Variants in IL1RAPL2 observed in about 807,000 individuals in gnomAD.
The protein encoded by IL1RAPL2 is X-linked interleukin-1 receptor accessory protein-like 2.
A neutral mutation model predicts 44.1 loss-of-function variants in IL1RAPL2; 3 were observed. The ratio of observed to expected loss-of-function variants is 0.07; its 90% CI spans 0.03 to 0.18. The LOEUF is 0.18. Ranked by LOEUF, IL1RAPL2 falls within the 10% of genes least tolerant of loss-of-function variation. The pLI, the probability that IL1RAPL2 is intolerant of heterozygous loss-of-function variation, is 1.00. For missense variants in IL1RAPL2, 391 were observed against 496.4 expected, an observed-to-expected ratio of 0.79 and a Z score of 2.02; for synonymous variants, 181 against 178.8, an observed-to-expected ratio of 1.01 and a Z score of -0.10.
At chrX:105,377,317 G>T (rs1349441448) in intron 5 of IL1RAPL2, among the ~76,000 whole-genome samples, 1 of 110,140 alleles carries the variant, frequency 9.1e-6, no homozygotes, top group Non-Finnish European at 1.9e-5. Flanking sequence ...ATTTTTGTCA[G>T]ACCCTTCCCC....
chrX:104,980,156 T>C (rs2030410833), intron 2 of IL1RAPL2, among the ~76,000 whole-genome samples: 1 of 111,296 alleles, frequency 9.0e-6, no homozygotes, highest in Non-Finnish European at 1.9e-5. Flanking sequence ...AAAAATAAAG[T>C]AGATAGATGC....
chrX:105,391,959 C>A (rs747213122), intron 5 of IL1RAPL2, among the ~76,000 whole-genome samples: 2 of 75,816 alleles, frequency 2.6e-5, no homozygotes, highest in Non-Finnish European at 4.8e-5. Context: ...AACACATGGA[C>A]ACAGGAAGGG....
chrX:105,318,622 C>T (rs6418240), intron 5 of IL1RAPL2, among the ~76,000 whole-genome samples: 12,370 of 110,638 alleles, frequency 0.11, 1,712 homozygotes, highest in African/African-American at 0.39. Context: ...AGGACTCTGA[C>T]TTGGTACAAT....
chrX:105,375,141 T>C (rs1005784672), intron 5 of IL1RAPL2, among the ~76,000 whole-genome samples: 1 of 110,081 alleles, frequency 9.1e-6, no homozygotes, highest in South Asian at 3.9e-4. Context: ...GCCTAATTGC[T>C]CTGCCCTATA....
intron 6 of IL1RAPL2, among the ~76,000 whole-genome samples, chrX:105,670,228 T>G (rs1389873357): frequency 2.2e-4 from 21 of 96,976 alleles, no homozygotes; most frequent in Non-Finnish European, 4.4e-4. Flanking sequence ...TTCCTACTTT[T>G]TTTTTTTTGC....
At chrX:105,580,514 G>A (rs1334726026) in intron 6 of IL1RAPL2, among the ~76,000 whole-genome samples, 1 of 110,614 alleles carries the variant, frequency 9.0e-6, no homozygotes, top group Non-Finnish European at 1.9e-5. Context: ...CAACCCTAGG[G>A]ACAGCTGGGG....
chrX:105,328,186 C>G (rs1025328293), intron 5 of IL1RAPL2, among the ~76,000 whole-genome samples: 5 of 111,940 alleles, frequency 4.5e-5, no homozygotes, highest in African/African-American at 1.6e-4. Context: ...TATCTGATCC[C>G]TTTGTCAAAT....
At chrX:104,649,270 C>T (rs140166728) in intron 1 of IL1RAPL2, among the ~76,000 whole-genome samples, 3,130 of 111,556 alleles carry the variant, frequency 0.028, 121 homozygotes, top group African/African-American at 0.096. Context: ...CCACTTTATG[C>T]AGTTATTTTC....
At chrX:104,908,326 G>C (rs963837800) in intron 2 of IL1RAPL2, among the ~76,000 whole-genome samples, 12 of 111,412 alleles carry the variant, frequency 1.1e-4, no homozygotes, top group African/African-American at 3.9e-4. Flanking sequence ...ATTGTTATGT[G>C]TGAATTTGAT....
intron 2 of IL1RAPL2, among the ~76,000 whole-genome samples, chrX:105,138,743 G>A (rs1461662584): frequency 9.0e-6 from 1 of 111,331 alleles, no homozygotes; most frequent in Non-Finnish European, 1.9e-5. Context: ...CCAGTGGGTA[G>A]TGGATAGCAT....
chrX:104,916,321 C>G (rs1171967784), intron 2 of IL1RAPL2, among the ~76,000 whole-genome samples: 3 of 111,530 alleles, frequency 2.7e-5, no homozygotes, highest in Non-Finnish European at 5.6e-5. Context: ...ATTTTATTCT[C>G]TTTGAAGCAA....
chrX:104,588,865 C>A (rs1602633052), intron 1 of IL1RAPL2, among the ~76,000 whole-genome samples: 1 of 111,637 alleles, frequency 9.0e-6, no homozygotes, highest in East Asian at 2.8e-4. Context: ...TTGAAGTATG[C>A]ATGCAATTTG....
At chrX:104,989,749 T>TA (rs397895982) in intron 2 of IL1RAPL2, among the ~76,000 whole-genome samples, 20 of 110,251 alleles carry the variant, frequency 1.8e-4, no homozygotes, top group South Asian at 1.1e-3. Context: ...CAATAAAAGG[T>TA]AAAAAAAAAT....
At chrX:105,601,095 C>A (rs1358840004) in intron 6 of IL1RAPL2, among the ~76,000 whole-genome samples, 1 of 111,114 alleles carries the variant, frequency 9.0e-6, no homozygotes, top group African/African-American at 3.3e-5. Context: ...TCCATATGTA[C>A]ATTAGGTAAT....
chrX:105,542,926 A>G (rs1177764731), intron 6 of IL1RAPL2, among the ~76,000 whole-genome samples: 5 of 110,029 alleles, frequency 4.5e-5, no homozygotes, highest in Non-Finnish European at 7.6e-5. Flanking sequence ...AATTCAATCT[A>G]GGAATTGGAG....
chrX:104,723,631 A>C lies in IL1RAPL2; in HGVS notation c.82+64636A>C, dbSNP rs1931729558. On this transcript the variant is annotated intron_variant, in intron 2 of 10. Coordinates refer to ENST00000372582, the MANE Select transcript of IL1RAPL2 (RefSeq NM_017416.2). ...TAATAAAAGGGTGAACAACAACAAA[A>C]AAATCCTACCCACAGAGAAATGACA... is the stretch of plus-strand genomic sequence containing the variant. 4.5e-5 allele frequency among the ~76,000 whole-genome samples: 5 copies of C among 110,900 alleles called. No homozygotes were observed. In the Admixed American group the frequency reaches 4.8e-4, roughly 11 times the overall value.
intron 2 of IL1RAPL2, among the ~76,000 whole-genome samples, chrX:104,926,909 T>C (rs1471441561): frequency 9.0e-6 from 1 of 111,635 alleles, no homozygotes; most frequent in East Asian, 2.8e-4. Context: ...GTCTTTAGAG[T>C]CTACCTGTTT....
At chrX:105,575,722 A>G (rs1159201693) in intron 6 of IL1RAPL2, among the ~76,000 whole-genome samples, 1 of 112,273 alleles carries the variant, frequency 8.9e-6, no homozygotes, top group Non-Finnish European at 1.9e-5. Flanking sequence ...TGGTAGTTCT[A>G]TTTTTAGTTA....
At chrX:105,761,485 A>G (rs1033335219) in intron 10 of IL1RAPL2, among the ~76,000 whole-genome samples, 5 of 112,034 alleles carry the variant, frequency 4.5e-5, no homozygotes, top group Admixed American at 9.5e-5. Flanking sequence ...CTCTAGTTAT[A>G]GCAAATGTGT....
Sources: allele counts gnomAD v4.1 joint callset (sites outside exome capture counted in the v4.1 genomes callset), GRCh38; gene constraint gnomAD v4.1.1; transcripts MANE v1.5; gene names NCBI Gene and HGNC (gene_info 2026-07-23, HGNC 2026-07-21).